Variants in POU6F2 observed in about 807,000 individuals in gnomAD.
POU6F2 encodes POU class 6 homeobox 2.
In POU6F2, 31 loss-of-function variants were observed where a neutral mutation model predicts 71.3. The observed-to-expected ratio is 0.43, with a 90% CI of 0.33 to 0.59. The LOEUF is 0.59. Among genes scored for constraint, POU6F2 ranks in the 20% least tolerant of loss-of-function variants. The pLI is 0.04. For missense variants in POU6F2, 783 were observed against 856.8 expected (o/e 0.91, Z 1.07); for synonymous variants, 347 against 355.7 (o/e 0.98, Z 0.27).
At chr7:39,305,827 T>G (rs1583511499) in intron 4 of POU6F2, among the ~76,000 whole-genome samples, 1 of 152,190 alleles carries the variant, frequency 6.6e-6, no homozygotes, top group South Asian at 2.1e-4. Context: ...ATACTTTGAA[T>G]TGTCATGTAT....
chr7:39,015,320 GATATA>G (rs1026994489), intron 1 of POU6F2, among the ~76,000 whole-genome samples: 43 of 131,774 alleles, frequency 3.3e-4, no homozygotes, highest in Non-Finnish European at 6.1e-4. Flanking sequence ...TATAATAATA[GATATA>G]ATATATATTA....
chr7:39,095,586 A>G (rs1791438715), intron 2 of POU6F2, among the ~76,000 whole-genome samples: 1 of 152,204 alleles, frequency 6.6e-6, no homozygotes, highest in Non-Finnish European at 1.5e-5. Context: ...GTAACGGTTT[A>G]TGGTCCTTTT....
intron 2 of POU6F2, among the ~76,000 whole-genome samples, chr7:39,147,124 A>C (rs1222411249): frequency 6.6e-6 from 1 of 152,198 alleles, no homozygotes; most frequent in Non-Finnish European, 1.5e-5. Flanking sequence ...AGGGTTTATC[A>C]AATTCTTTAT....
At chr7:39,241,590 T>C (rs904081290) in intron 4 of POU6F2, among the ~76,000 whole-genome samples, 3 of 152,088 alleles carry the variant, frequency 2.0e-5, no homozygotes, top group Middle Eastern at 3.2e-3. Context: ...GAAACATATA[T>C]AACATGTATT....
chr7:39,029,904 A>G (rs1453547198), intron 1 of POU6F2, among the ~76,000 whole-genome samples: 3 of 152,088 alleles, frequency 2.0e-5, no homozygotes, highest in African/African-American at 4.8e-5. Context: ...GTCATGATGC[A>G]TTATCATTTT....
At chr7:39,222,005 A>C (rs1794372998) in intron 4 of POU6F2, among the ~76,000 whole-genome samples, 1 of 152,242 alleles carries the variant, frequency 6.6e-6, no homozygotes, top group African/African-American at 2.4e-5. Flanking sequence ...AAAAAGTCTT[A>C]ACTCATTTGC....
At chr7:39,011,507 C>G (rs1789283215) in intron 1 of POU6F2, among the ~76,000 whole-genome samples, 1 of 142,256 alleles carries the variant, frequency 7.0e-6, no homozygotes, top group Admixed American at 7.0e-5. Flanking sequence ...TTAATTGGAG[C>G]ATTTAGTCCA....
chr7:38,988,905 T>A (rs1788528770), intron 1 of POU6F2, among the ~76,000 whole-genome samples: 1 of 152,132 alleles, frequency 6.6e-6, no homozygotes, highest in Non-Finnish European at 1.5e-5. Context: ...CTGATTTCAT[T>A]ACAGCAACAT....
chr7:39,407,234 A>G (rs868192571), intron 6 of POU6F2, among the ~76,000 whole-genome samples: 1 of 152,086 alleles, frequency 6.6e-6, no homozygotes, highest in African/African-American at 2.4e-5. Flanking sequence ...TGTAAAAGCA[A>G]CAAAGAAAAG....
intron 4 of POU6F2, among the ~76,000 whole-genome samples, chr7:39,278,712 C>T (rs771378670): frequency 4.6e-5 from 7 of 152,136 alleles, no homozygotes; most frequent in Non-Finnish European, 7.4e-5. Context: ...AGCTCTGTGT[C>T]TGTGCCCACT....
rs373975552 is a variant in POU6F2, at chr7:39,417,432, A to G, written c.1113+10692A>G. On this transcript the variant is annotated intron_variant, in intron 6 of 9. Transcript: ENST00000518318. The stretch of plus-strand genomic sequence containing the variant: ...CAAATGTAGGCCTTTGAATGACCCA[A>G]TTGAATTTAGTGCACTAGCCATTAC... 1.1e-4 allele frequency among the ~76,000 whole-genome samples: 16 copies of G among 152,272 alleles called. No individual in the cohort carries two copies. In the South Asian group the frequency reaches 1.7e-3, roughly 16 times the overall value.
At chr7:39,425,797 T>C (rs1401376650) in intron 6 of POU6F2, among the ~76,000 whole-genome samples, 1 of 152,214 alleles carries the variant, frequency 6.6e-6, no homozygotes, top group African/African-American at 2.4e-5. Flanking sequence ...CTGATGCTCA[T>C]TATGACTCAT....
rs1791046703 is a variant in POU6F2, at chr7:39,078,671, T to C, written c.106-7189T>C. On this transcript the variant is annotated intron_variant, in intron 1 of 9. Coordinates refer to ENST00000518318, the MANE Select transcript of POU6F2 (RefSeq NM_001370959.1). ...GCGGAGCTCACGGGTCAGCAAACTT[T>C]TTCTGTAAAGAGGTAAATGGTAAAT... 2.6e-5 allele frequency among the ~76,000 whole-genome samples: 4 copies of C among 152,176 alleles called. 1 individual carries two copies. The highest frequency in any genetic ancestry group is 2.6e-4 in the Admixed American group (4 of 15,280).
intron 2 of POU6F2, among the ~76,000 whole-genome samples, chr7:39,177,851 G>A (rs1038795217): frequency 6.6e-6 from 1 of 152,098 alleles, no homozygotes; most frequent in African/African-American, 2.4e-5. Flanking sequence ...CCCTGAATAG[G>A]AAAAGCCCAA....
intron 2 of POU6F2, 116 bp downstream of exon 2, chr7:39,086,147 A>C: frequency 8.9e-7 from 1 of 1,122,672 alleles, no homozygotes; most frequent in Non-Finnish European, 1.2e-6. Context: ...TAAGTACTAA[A>C]AAGGAGCATC....
At chr7:38,981,020 C>A (rs1322587092) in intron 1 of POU6F2, among the ~76,000 whole-genome samples, 1 of 152,146 alleles carries the variant, frequency 6.6e-6, no homozygotes, top group African/African-American at 2.4e-5. Context: ...AGAACAAACT[C>A]CCTGCCTAGT....
intron 2 of POU6F2, among the ~76,000 whole-genome samples, chr7:39,158,323 TCA>T (rs990947299): frequency 6.6e-5 from 10 of 152,204 alleles, no homozygotes; most frequent in Non-Finnish European, 1.3e-4. Flanking sequence ...TCCTCAAGTT[TCA>T]CAGATTTTGC....
chr7:39,409,059 A>C (rs1008174501), intron 6 of POU6F2, among the ~76,000 whole-genome samples: 1 of 152,352 alleles, frequency 6.6e-6, no homozygotes, highest in African/African-American at 2.4e-5. Flanking sequence ...GTAGCAATAC[A>C]TTGGAACCAG....
chr7:39,261,842 AT>A (rs1201577312), intron 4 of POU6F2, among the ~76,000 whole-genome samples: 1 of 152,238 alleles, frequency 6.6e-6, no homozygotes, highest in Non-Finnish European at 1.5e-5. Flanking sequence ...TAACTAGAAA[AT>A]TCACTAGTAC....
Sources: gnomAD v4.1 joint callset for allele counts (sites outside exome capture counted in the v4.1 genomes callset) on GRCh38, gnomAD v4.1.1 for gene constraint, MANE v1.5 for transcripts, NCBI Gene and HGNC (gene_info 2026-07-23, HGNC 2026-07-21) for gene names.